The following STK36 variants were observed in gnomAD, a reference collection of about 807,000 sequenced individuals.
The protein encoded by STK36 is serine/threonine-protein kinase 36.
In STK36, 116 loss-of-function variants were observed where a neutral mutation model predicts 142.2. The ratio of observed to expected loss-of-function variants is 0.82; its 90% CI spans 0.70 to 0.95. The LOEUF is 0.95. STK36 is among the 40% of genes least tolerant of loss of function. The probability of loss-of-function intolerance (pLI) is 0.00; values close to 1 mark genes in which losing one functional copy is unlikely to be tolerated. For missense variants in STK36, 1,422 were observed against 1,617.2 expected (o/e 0.88, Z 2.07); for synonymous variants, 619 against 641.7 (o/e 0.96, Z 0.53).
At chr2:218,677,625 A>G (rs532394767) in intron 6 of STK36, among the ~76,000 whole-genome samples, 12 of 152,332 alleles carry the variant, frequency 7.9e-5, no homozygotes, top group African/African-American at 2.6e-4. Flanking sequence ...CTATGTCCAC[A>G]TTCTAGATGT....
chr2:218,688,820 C>T lies in STK36; in HGVS notation c.1504C>T (p.Pro502Ser), dbSNP rs1255534319. 1.2e-6 allele frequency: 2 copies of T among 1,613,728 alleles called. No homozygotes were observed. The highest frequency in any genetic ancestry group is 1.1e-5 in the South Asian group (1 of 91,048). The change falls in exon 12 of 27, where the codon CCT becomes TCT. Residue 502 changes from proline (P) to serine (S), a missense_variant. This residue lies in a region of STK36 where 962 missense variants were observed against 1,167.5 expected (regional missense o/e 0.82). Coordinates refer to ENST00000295709, the MANE Select transcript of STK36 (RefSeq NM_015690.5). Reference protein sequence around the residue: ...LYSFCREAGLPGLLLSLLRHS... With the variant: ...LYSFCREAGLSGLLLSLLRHS... ...TTCCTTCTGCCGGGAGGCAGGGCTT[C>T]CTGGGCTGCTGCTGAGTCTACTCAG...
Position 218,684,754 on chromosome 2 carries a change from T to A in STK36, c.1237-331T>A, listed in dbSNP as rs146112430. 1.8e-3 allele frequency: 358 copies of A among 194,594 alleles called. 1 individual carries two copies. The highest frequency in any genetic ancestry group is 7.8e-3 in the African/African-American group (338 of 43,216). 12.1% of individuals were successfully genotyped at this position (194,594 alleles called of 1,614,324 possible). A position where few individuals can be genotyped will look rare whatever the true frequency, so the allele number is the denominator to read the frequency against. Reference sequence around the variant, plus strand: ...TTTTTAATAACCTCATCGTATTTTCTAATATGGATGGACCCTGGTTTATTA... The same window carrying A: ...TTTTTAATAACCTCATCGTATTTTCAAATATGGATGGACCCTGGTTTATTA... On this transcript the variant is annotated intron_variant, in intron 10 of 26. Transcript: ENST00000295709.
At chr2:218,688,904 G>T in intron 12 of STK36, 28 bp downstream of exon 12, 1 of 1,546,726 alleles carries the variant, frequency 6.5e-7, no homozygotes, top group South Asian at 1.2e-5. Context: ...AGCCTCTGAA[G>T]ACTTACAGAG....
Position 218,676,039 on chromosome 2 carries a change from G to A in STK36, c.445G>A (p.Ala149Thr). ...CATTATCTTCTGCAGATTTGCCCGG[G>A]CTATGAGCACCAATACAATGGTGCT... ...IKLCDFGFARAMSTNTMVLTS... is the reference protein window; with the variant it reads ...IKLCDFGFARTMSTNTMVLTS... Residue 149 changes from alanine to threonine, a missense_variant, in exon 6 of 27, where the codon GCT becomes ACT. Ala to Thr is a moderately conservative substitution (Grantham distance 58). Coordinates refer to ENST00000295709, the MANE Select transcript of STK36 (RefSeq NM_015690.5). 2 of 1,613,886 alleles carry A rather than the reference G, an allele frequency of 1.2e-6. No individual in the cohort carries two copies. Among genetic ancestry groups the A allele is most frequent in the Non-Finnish European group, 1.7e-6 (2 of 1,179,900 alleles).
Position 218,672,622 on chromosome 2 carries a change from G to C in STK36, c.-89-119G>C, listed in dbSNP as rs2106340163. 3.2e-5 allele frequency: 17 copies of C among 539,590 alleles called. 1 individual carries two copies. In the South Asian group the frequency reaches 3.6e-4, roughly 11 times the overall value. The allele number at this position is 539,590 out of a possible 1,614,324, so 33.4% of individuals were successfully genotyped here. On this transcript the variant is annotated intron_variant, in intron 1 of 26. Transcript: ENST00000295709. ...GGAACTACAAAGAGAAGCTCTGTTT[G>C]TTCCAAGAGCGCATCATCTTTGCAT...
Position 218,692,589 on chromosome 2 carries a change from C to T in STK36, c.1922C>T (p.Pro641Leu), listed in dbSNP as rs145717046. Residue 641 changes from proline to leucine, a missense_variant, in exon 16 of 27, where the codon CCG (proline) becomes CTG (leucine). Coordinates refer to ENST00000295709, the MANE Select transcript of STK36 (RefSeq NM_015690.5). The stretch of plus-strand genomic sequence containing the variant: ...TCTTTGCTTTTCTCCACAGGAGCCC[C>T]GCAAGTGAGCCAGCCACTGCGAGAG... ...QLPVHTPQGA[P>L]QVSQPLREQS... The T allele has an allele frequency of 5.2e-5, 84 of 1,611,692 alleles. No individual in the cohort carries two copies. Among genetic ancestry groups the T allele is most frequent in the Middle Eastern group, 1.7e-4 (1 of 5,748 alleles).
At chr2:218,682,367 C>A (rs1425091465) in intron 10 of STK36, among the ~76,000 whole-genome samples, 1 of 152,140 alleles carries the variant, frequency 6.6e-6, no homozygotes, top group Non-Finnish European at 1.5e-5. Flanking sequence ...TGCCCCTTTA[C>A]CCCTAAATAC....
intron 22 of STK36, 115 bp downstream of exon 22, chr2:218,696,716 T>C: frequency 8.6e-7 from 1 of 1,168,794 alleles, no homozygotes; most frequent in Non-Finnish European, 1.3e-6. Context: ...CTCAAGCTAC[T>C]GTGCCTGTGA....
Position 218,674,766 on chromosome 2 carries a change from A to G in STK36, c.304-577A>G, listed in dbSNP as rs540277710. Among the ~76,000 whole-genome samples, 20 of 151,954 alleles carry G rather than the reference A, an allele frequency of 1.3e-4. No homozygotes were observed. The South Asian group carries it at 3.7e-3, about 28-fold the overall frequency. On this transcript the variant is annotated intron_variant, in intron 4 of 26. Coordinates refer to ENST00000295709, the MANE Select transcript of STK36 (RefSeq NM_015690.5). The stretch of plus-strand genomic sequence containing the variant: ...ATAGCATGCGCCACCATGCCTAGCT[A>G]ATTTTGTACTTTTAGTAGAGATGGG...
intron 5 of STK36, 124 bp from the exon 6 acceptor site, chr2:218,675,905 G>A: frequency 7.9e-7 from 1 of 1,265,776 alleles, no homozygotes. Context: ...CTGCTGCTGG[G>A]TCTTCTGGAA....
At chr2:218,693,591 G>A in intron 17 of STK36, 132 bp from the exon 18 acceptor site, 1 of 896,916 alleles carries the variant, frequency 1.1e-6, no homozygotes, top group Non-Finnish European at 1.7e-6. Context: ...AGAGGCAGAA[G>A]GGGGTTCTCT....
rs1940005681 is a variant in STK36, at chr2:218,672,113, T to A, written c.-192T>A. On this transcript the variant is annotated 5_prime_UTR_variant, in exon 1 of 27. Coordinates refer to ENST00000295709, the MANE Select transcript of STK36 (RefSeq NM_015690.5). ...CCGGGCCTGATGGCCCTGAGGCAGT[T>A]CGGATGTGTCCCAGGAAGTGCCCAT... 11 of 965,938 alleles carry A rather than the reference T, an allele frequency of 1.1e-5. No homozygotes were observed. In the South Asian group the frequency reaches 1.6e-4, roughly 14 times the overall value. 59.8% of individuals were successfully genotyped at this position (965,938 alleles called of 1,614,324 possible).
intron 10 of STK36, among the ~76,000 whole-genome samples, chr2:218,680,943 A>G (rs1403813170): frequency 6.6e-6 from 1 of 152,116 alleles, no homozygotes; most frequent in African/African-American, 2.4e-5. Flanking sequence ...GACCAGTGTT[A>G]TTAATTTAGT....
intron 25 of STK36, 75 bp from the exon 26 acceptor site, chr2:218,698,527 T>A (rs1253409783): frequency 6.5e-7 from 1 of 1,535,990 alleles, no homozygotes; most frequent in Non-Finnish European, 8.8e-7. Flanking sequence ...CTTTTCTCTC[T>A]CCCAGGTTTT....
chr2:218,678,151 G>A (rs977662680), intron 6 of STK36, among the ~76,000 whole-genome samples: 31 of 151,984 alleles, frequency 2.0e-4, no homozygotes, highest in Non-Finnish European at 8.8e-5. Flanking sequence ...GGGTCTCACT[G>A]TGTTGCCCAG....
At position 218,699,210 on chromosome 2, in the gene STK36, A is replaced by T. The variant is rs1941355273; in HGVS notation, c.3666A>T (p.Glu1222Asp). ...VASALGNLGP[E>D]GLGEELLQCE... ...CAGCTCTGGGCAACTTGGGACCTGA[A>T]GGTTTGGGAGAGGAGCTGTTACAGT... The change falls in exon 26 of 27, where the codon GAA becomes GAT. Residue 1222 changes from glutamate to aspartate, a missense_variant. Coordinates refer to ENST00000295709, the MANE Select transcript of STK36 (RefSeq NM_015690.5). 1 of 1,613,826 alleles carries T rather than the reference A, an allele frequency of 6.2e-7. No homozygotes were observed. Among genetic ancestry groups the T allele is most frequent in the Admixed American group, 1.7e-5 (1 of 59,990 alleles).
Position 218,697,527 on chromosome 2 carries a change from C to T in STK36, c.2826C>T (p.Ser942=), listed in dbSNP as rs1171336260. 1.2e-6 allele frequency: 2 copies of T among 1,614,110 alleles called. No homozygotes were observed. The highest frequency in any genetic ancestry group is 1.7e-6 in the Non-Finnish European group (2 of 1,180,052). Reference sequence around the variant, plus strand: ...CCCAGGAGCCCCAGTTATGCCTGAGCTGCCTGTCCCAGCATGGAAGTATCC... The same window carrying T: ...CCCAGGAGCCCCAGTTATGCCTGAGTTGCCTGTCCCAGCATGGAAGTATCC... The part of the protein sequence containing the change: ...TFTQEPQLCL[S]CLSQHGSILM... The change falls in exon 24 of 27, where the codon AGC becomes AGT. Residue 942 remains serine, a synonymous_variant. Coordinates refer to ENST00000295709, the MANE Select transcript of STK36 (RefSeq NM_015690.5).
chr2:218,694,684 C>T lies in STK36; in HGVS notation c.2511+49C>T, dbSNP rs750812667. 1 of 1,489,524 alleles carries T rather than the reference C, an allele frequency of 6.7e-7. No individual in the cohort carries two copies. The highest frequency in any genetic ancestry group is 1.4e-5 in the African/African-American group (1 of 72,666). The allele number at this position is 1,489,524 out of a possible 1,614,324, so 92.3% of individuals were successfully genotyped here. On this transcript the variant is annotated intron_variant, in intron 21 of 26. Transcript: ENST00000295709. The surrounding 1 kb of genome is among the most constrained non-coding windows in gnomAD (Gnocchi z 4.4). The stretch of plus-strand genomic sequence containing the variant: ...AGACATGTTTTCTCTGAGTCAGACA[C>T]TAGGACTGCATTCAAGGGGAAAAGA...
At chr2:218,698,388 A>T (rs1652624502) in intron 25 of STK36, among the ~76,000 whole-genome samples, 1 of 152,030 alleles carries the variant, frequency 6.6e-6, no homozygotes, top group African/African-American at 2.4e-5. Context: ...GAAGGCAGAG[A>T]CTGAGCCCTT....
Sources: gnomAD v4.1 joint callset for allele counts (sites outside exome capture counted in the v4.1 genomes callset) on GRCh38, gnomAD v4.1.1 for gene constraint, gnomAD v4.1.1 regional missense constraint, Gnocchi (gnomAD v3.1) non-coding constraint, MANE v1.5 for transcripts, NCBI Gene and HGNC (gene_info 2026-07-23, HGNC 2026-07-21) for gene names.